The following GPC5 variants were observed in gnomAD, a reference collection of about 807,000 sequenced individuals.
GPC5 encodes glypican-5.
A neutral mutation model predicts 53.9 loss-of-function variants in GPC5; 47 were observed. The ratio of observed to expected loss-of-function variants is 0.87; its 90% confidence interval spans 0.69 to 1.11. The LOEUF (loss-of-function observed/expected upper bound fraction) is 1.11, where lower values mean the gene tolerates loss of function less well. Among genes scored for constraint, GPC5 ranks in the 50% most tolerant of loss-of-function variants. The probability of loss-of-function intolerance (pLI) is 0.00; values close to 1 mark genes in which losing one functional copy is unlikely to be tolerated. For synonymous variants in GPC5, 286 were observed against 263.3 expected (o/e 1.09, Z -0.84); for missense variants, 748 against 713.1 (o/e 1.05, Z -0.56).
At chr13:92,740,121 C>A (rs973445137) in intron 7 of GPC5, among the ~76,000 whole-genome samples, 1 of 151,960 alleles carries the variant, frequency 6.6e-6, no homozygotes, top group African/African-American at 2.4e-5. Context: ...ACATGCCAAG[C>A]CTCCTCCCTT....
intron 7 of GPC5, among the ~76,000 whole-genome samples, chr13:92,582,881 T>C (rs971641851): frequency 5.9e-5 from 9 of 152,130 alleles, no homozygotes; most frequent in Admixed American, 3.3e-4. Context: ...TTTCTAATAG[T>C]TTCTTTGTGG....
intron 7 of GPC5, among the ~76,000 whole-genome samples, chr13:92,299,292 A>G (rs1445384875): frequency 6.6e-6 from 1 of 152,206 alleles, no homozygotes; most frequent in Non-Finnish European, 1.5e-5. Context: ...ACCATATGTC[A>G]ACTTAATCAA....
chr13:92,351,384 A>T (rs996309182), intron 7 of GPC5, among the ~76,000 whole-genome samples: 19 of 151,878 alleles, frequency 1.3e-4, no homozygotes, highest in African/African-American at 4.1e-4. Flanking sequence ...ATATTTATTA[A>T]AAATATGGAA....
intron 3 of GPC5, among the ~76,000 whole-genome samples, chr13:91,716,424 C>T (rs998229894): frequency 1.3e-5 from 2 of 152,090 alleles, no homozygotes; most frequent in Non-Finnish European, 1.5e-5. Flanking sequence ...ACAATTGATA[C>T]TGTGAATATT....
chr13:92,438,754 C>A (rs550998505), intron 7 of GPC5, among the ~76,000 whole-genome samples: 1 of 151,628 alleles, frequency 6.6e-6, no homozygotes, highest in African/African-American at 2.4e-5. Flanking sequence ...ATTTTGGAGG[C>A]GGATTCTAAA....
At position 91,399,128 on chromosome 13, in the gene GPC5, C is replaced by G; in HGVS notation, c.82C>G (p.Gln28Glu). 1 of 1,612,484 alleles carries G rather than the reference C, an allele frequency of 6.2e-7. No homozygotes were observed. Among genetic ancestry groups the G allele is most frequent in the African/African-American group, 1.3e-5 (1 of 75,038 alleles). ...TGGGTCCGCCCGCAGCGAGGGCGTG[C>G]AGACCTGCGAAGAAGTTCGGAAACT... ...LVGSARSEGV[Q>E]TCEEVRKLFQ... The change falls in exon 1 of 8, where the codon CAG becomes GAG. Residue 28 changes from glutamine to glutamate, a missense_variant. Gln to Glu is a conservative substitution (Grantham distance 29). Coordinates refer to ENST00000377067, the MANE Select transcript of GPC5 (RefSeq NM_004466.6).
At chr13:92,298,149 G>C (rs1003884206) in intron 7 of GPC5, among the ~76,000 whole-genome samples, 1 of 152,138 alleles carries the variant, frequency 6.6e-6, no homozygotes, top group Non-Finnish European at 1.5e-5. Context: ...ACAATCCGAA[G>C]GGCCAGTCTC....
At chr13:92,438,845 T>C (rs1434653949) in intron 7 of GPC5, among the ~76,000 whole-genome samples, 1 of 152,166 alleles carries the variant, frequency 6.6e-6, no homozygotes, top group African/African-American at 2.4e-5. Context: ...CTTGAGCCAC[T>C]GGAAGGATGA....
intron 7 of GPC5, among the ~76,000 whole-genome samples, chr13:92,708,799 T>C (rs565930546): frequency 2.1e-5 from 3 of 145,230 alleles, no homozygotes; most frequent in South Asian, 4.4e-4. Flanking sequence ...GTTACAATTA[T>C]AGAAATATGA....
chr13:91,798,367 A>T (rs1353439919), intron 5 of GPC5, among the ~76,000 whole-genome samples: 1 of 151,994 alleles, frequency 6.6e-6, no homozygotes, highest in Non-Finnish European at 1.5e-5. Context: ...ACAGCCCCCA[A>T]TGTATGTTGT....
chr13:92,238,873 GC>G (rs1259848685), intron 7 of GPC5, among the ~76,000 whole-genome samples: 1 of 151,404 alleles, frequency 6.6e-6, no homozygotes, highest in Non-Finnish European at 1.5e-5. Context: ...TTCTTCTACA[GC>G]TTTTTTTAGT....
intron 7 of GPC5, among the ~76,000 whole-genome samples, chr13:92,848,297 T>C (rs1594547591): frequency 6.6e-6 from 1 of 152,164 alleles, no homozygotes; most frequent in East Asian, 1.9e-4. Flanking sequence ...CAGTAAGAAT[T>C]TTCTATGGTT....
At chr13:92,705,243 G>T (rs1887910564) in intron 7 of GPC5, among the ~76,000 whole-genome samples, 1 of 151,926 alleles carries the variant, frequency 6.6e-6, no homozygotes, top group Non-Finnish European at 1.5e-5. Context: ...GTGTAGTAAG[G>T]TAAATAATTT....
At chr13:91,572,529 C>A (rs1189001084) in intron 2 of GPC5, among the ~76,000 whole-genome samples, 2 of 152,004 alleles carry the variant, frequency 1.3e-5, no homozygotes, top group African/African-American at 4.8e-5. Flanking sequence ...CATTGTATCA[C>A]ATGGTGAGAG....
At chr13:92,771,249 A>C (rs1875603838) in intron 7 of GPC5, among the ~76,000 whole-genome samples, 1 of 152,094 alleles carries the variant, frequency 6.6e-6, no homozygotes, top group Non-Finnish European at 1.5e-5. Flanking sequence ...GTCTAGGCTC[A>C]CCACTTCGCT....
intron 6 of GPC5, among the ~76,000 whole-genome samples, chr13:92,142,877 C>T (rs2041841456): frequency 2.0e-5 from 3 of 152,098 alleles, no homozygotes; most frequent in South Asian, 4.1e-4. Context: ...GAGAGTTAGG[C>T]TTTTGTTGTA....
At chr13:92,793,121 C>A (rs1217577149) in intron 7 of GPC5, among the ~76,000 whole-genome samples, 1 of 152,088 alleles carries the variant, frequency 6.6e-6, no homozygotes, top group Non-Finnish European at 1.5e-5. Flanking sequence ...CCAAAATTGA[C>A]CACATAGTTG....
intron 7 of GPC5, among the ~76,000 whole-genome samples, chr13:92,152,271 C>T (rs975840669): frequency 6.6e-6 from 1 of 152,120 alleles, no homozygotes; most frequent in Non-Finnish European, 1.5e-5. Context: ...TTAAAAAATA[C>T]ACACAATAAA....
intron 4 of GPC5, among the ~76,000 whole-genome samples, chr13:91,729,100 T>C (rs181894297): frequency 6.6e-6 from 1 of 152,352 alleles, no homozygotes; most frequent in East Asian, 1.9e-4. Context: ...ATTTACATGA[T>C]GTGATAGGTA....
Sources: allele counts gnomAD v4.1 joint callset (sites outside exome capture counted in the v4.1 genomes callset), GRCh38; gene constraint gnomAD v4.1.1; transcripts MANE v1.5; gene names NCBI Gene and HGNC (gene_info 2026-07-23, HGNC 2026-07-21).